PRIM2: variants seen among roughly 807,000 people sequenced by gnomAD.
PRIM2 encodes DNA primase large subunit.
Under a neutral mutation model 67.3 loss-of-function variants are expected in PRIM2, and 39 were observed. That is an observed-to-expected ratio of 0.58 (90% CI 0.45 to 0.76). The LOEUF is 0.76. PRIM2 is among the 30% of genes least tolerant of loss of function. PRIM2 has a pLI of 0.00. For synonymous variants in PRIM2, 143 were observed against 198.7 expected, an observed-to-expected ratio of 0.72 and a Z score of 2.36; for missense variants, 398 against 598.7, an observed-to-expected ratio of 0.66 and a Z score of 3.50.
intron 5 of PRIM2, among the ~76,000 whole-genome samples, chr6:57,370,573 T>C (rs1412090396): frequency 6.6e-6 from 1 of 152,054 alleles, no homozygotes; most frequent in Non-Finnish European, 1.5e-5. Flanking sequence ...TATTTACTCA[T>C]AGGCCATGAA....
At chr6:57,259,532 G>T in the PRIM2 span, among the ~76,000 whole-genome samples, 1 of 152,218 alleles carries the variant, frequency 6.6e-6, no homozygotes, top group Non-Finnish European at 1.5e-5. Flanking sequence ...AGAGATAAGG[G>T]TATGCCTGTT....
intron 9 of PRIM2, among the ~76,000 whole-genome samples, chr6:57,535,400 C>T (rs1181680226): frequency 6.6e-6 from 1 of 152,148 alleles, no homozygotes; most frequent in Non-Finnish European, 1.5e-5. Context: ...TCAAGTTTTG[C>T]CCTTGTTGGA....
intron 7 of PRIM2, among the ~76,000 whole-genome samples, chr6:57,403,473 A>C (rs573846160): frequency 1.3e-5 from 2 of 151,782 alleles, no homozygotes; most frequent in East Asian, 3.9e-4. Flanking sequence ...CATGTTAGCC[A>C]GGATGGTCTC....
At chr6:57,303,064 CTA>C in the PRIM2 span, among the ~76,000 whole-genome samples, 1 of 152,044 alleles carries the variant, frequency 6.6e-6, no homozygotes, top group Non-Finnish European at 1.5e-5. Flanking sequence ...ATTGTTATTG[CTA>C]TGTCTTTCTA....
chr6:57,393,249 G>A (rs1205479714), intron 7 of PRIM2, among the ~76,000 whole-genome samples: 1 of 152,046 alleles, frequency 6.6e-6, no homozygotes, highest in Admixed American at 6.6e-5. Context: ...TTCCATTGTG[G>A]CTGTACTAGT....
intron 10 of PRIM2, among the ~76,000 whole-genome samples, chr6:57,578,468 A>G (rs1406153997): frequency 5.3e-5 from 8 of 152,116 alleles, no homozygotes; most frequent in Admixed American, 3.9e-4. Flanking sequence ...TGTTTCTATA[A>G]GGAAAAACTG....
chr6:57,514,150 A>G (rs1774431783), intron 8 of PRIM2, among the ~76,000 whole-genome samples: 2 of 152,176 alleles, frequency 1.3e-5, no homozygotes, highest in Non-Finnish European at 2.9e-5. Flanking sequence ...GTTTTGTAAA[A>G]TTCCTTTTCC....
At chr6:57,623,664 T>C (rs1437183008) in intron 12 of PRIM2, among the ~76,000 whole-genome samples, 1 of 152,158 alleles carries the variant, frequency 6.6e-6, no homozygotes, top group African/African-American at 2.4e-5. Context: ...ATCAGTTTTA[T>C]AGAGTACACT....
At chr6:57,518,019 A>G (rs1774522260) in intron 8 of PRIM2, among the ~76,000 whole-genome samples, 1 of 152,160 alleles carries the variant, frequency 6.6e-6, no homozygotes. Flanking sequence ...ACCTTTATTT[A>G]CTCAGAGTAA....
intron 3 of PRIM2, 26 bp downstream of exon 3, chr6:57,320,586 C>T (rs1284739372): frequency 9.0e-6 from 13 of 1,449,110 alleles, no homozygotes; most frequent in Non-Finnish European, 1.2e-5. Context: ...AAAAAAAGTT[C>T]CTTCAGTTTC....
chr6:57,458,352 A>T (rs1281368447), intron 7 of PRIM2, among the ~76,000 whole-genome samples: 1 of 152,218 alleles, frequency 6.6e-6, no homozygotes, highest in African/African-American at 2.4e-5. Context: ...CATTAATGAG[A>T]TAAGGAAGTA....
the PRIM2 span, among the ~76,000 whole-genome samples, chr6:57,273,562 A>G: frequency 1.3e-5 from 2 of 152,238 alleles, no homozygotes; most frequent in East Asian, 3.9e-4. Flanking sequence ...CTTCTTTGCC[A>G]TTGGTTCAAA....
rs1222209639 is a variant in PRIM2 at position 57,611,708 on chromosome 6, G to C, written c.1230+5251G>C. Among the ~76,000 whole-genome samples, 204 of 152,228 alleles carry C rather than the reference G, an allele frequency of 1.3e-3. 5 individuals are homozygous for C. In the East Asian group the frequency reaches 0.019, roughly 14 times the overall value. On this transcript the variant is annotated intron_variant, in intron 12 of 13. Coordinates refer to ENST00000615550, the MANE Select transcript of PRIM2 (RefSeq NM_000947.5). ...TACAAAAGAAAACAGCATATCTGCA[G>C]GACCTTGGGTTTGGTGTGTTCCCTG...
At chr6:57,366,533 G>T (rs2079934) in intron 5 of PRIM2, among the ~76,000 whole-genome samples, 14 of 151,948 alleles carry the variant, frequency 9.2e-5, no homozygotes, top group Admixed American at 2.0e-4. Flanking sequence ...AGAAGTGGAG[G>T]GTGAGTGGGT....
At chr6:57,318,724 T>C in intron 2 of PRIM2, 125 bp downstream of exon 2, 1 of 741,036 alleles carries the variant, frequency 1.3e-6, no homozygotes, top group South Asian at 1.9e-5. Context: ...ATTGAGGTAA[T>C]TCATATCCTT....
chr6:57,265,989 T>G, the PRIM2 span, among the ~76,000 whole-genome samples: 280 of 152,314 alleles, frequency 1.8e-3, no homozygotes, highest in African/African-American at 6.2e-3. Flanking sequence ...ACAGTTTGAT[T>G]TTTAAACTAT....
chr6:57,328,161 C>T (rs937784914), intron 5 of PRIM2, among the ~76,000 whole-genome samples: 2 of 152,152 alleles, frequency 1.3e-5, no homozygotes, highest in Non-Finnish European at 2.9e-5. Flanking sequence ...TAGAGTGTCT[C>T]AGCGTCACAT....
At position 57,337,587 on chromosome 6, in the gene PRIM2, GAAC is replaced by G. The variant is rs1408780998; in HGVS notation, c.459+11546_459+11548del. On this transcript the variant is annotated intron_variant, in intron 5 of 13. Transcript: ENST00000615550. ...AAAACCACTCAACTACATGGAAACT[GAAC>G]AACCTGCTCCTGAATGACTACTGGG... Among the ~76,000 whole-genome samples the G allele has an allele frequency of 2.0e-4, 30 of 152,174 alleles. No homozygotes were observed. The South Asian group carries it at 2.9e-3, about 15-fold the overall frequency.
At chr6:57,396,483 T>C (rs550909242) in intron 7 of PRIM2, among the ~76,000 whole-genome samples, 227 of 152,336 alleles carry the variant, frequency 1.5e-3, no homozygotes, top group Non-Finnish European at 2.6e-3. Context: ...CTGCTCACTT[T>C]TGGTGTCCAT....
Sources: gnomAD v4.1 joint callset for allele counts (sites outside exome capture counted in the v4.1 genomes callset) on GRCh38, gnomAD v4.1.1 for gene constraint, MANE v1.5 for transcripts, NCBI Gene and HGNC (gene_info 2026-07-23, HGNC 2026-07-21) for gene names.